The following DIAPH2 variants were observed in gnomAD, a reference collection of about 807,000 sequenced individuals.
DIAPH2 encodes protein diaphanous homolog 2.
In DIAPH2, 35 loss-of-function variants were observed where a neutral mutation model predicts 92.7. The ratio of observed to expected loss-of-function variants is 0.38; its 90% confidence interval spans 0.29 to 0.50. DIAPH2 has a LOEUF of 0.50. Among genes scored for constraint, DIAPH2 ranks in the 20% least tolerant of loss-of-function variants. The pLI, the probability that DIAPH2 is intolerant of heterozygous loss-of-function variation, is 0.94. For synonymous variants in DIAPH2, 301 were observed against 280.4 expected (o/e 1.07, Z -0.73); for missense variants, 701 against 819.5 (o/e 0.86, Z 1.77).
chrX:97,162,252 A>G (rs1489414676), intron 22 of DIAPH2, among the ~76,000 whole-genome samples: 1 of 111,222 alleles, frequency 9.0e-6, no homozygotes, highest in Non-Finnish European at 1.9e-5. Flanking sequence ...CTTCGAAGCC[A>G]GACTTCCTAG....
chrX:97,394,949 T>C (rs2069691438), intron 25 of DIAPH2, among the ~76,000 whole-genome samples: 1 of 111,466 alleles, frequency 9.0e-6, no homozygotes, highest in Admixed American at 9.6e-5. Context: ...CCCTACATGG[T>C]GTATCCTTGA....
chrX:97,399,624 T>C (rs760334054), intron 25 of DIAPH2, among the ~76,000 whole-genome samples: 2 of 112,089 alleles, frequency 1.8e-5, no homozygotes, highest in South Asian at 7.5e-4. Context: ...CATCATGATT[T>C]GTGAGCAACC....
At chrX:96,702,102 C>T (rs1033804684) in intron 1 of DIAPH2, among the ~76,000 whole-genome samples, 2 of 111,864 alleles carry the variant, frequency 1.8e-5, no homozygotes, top group South Asian at 3.7e-4. Flanking sequence ...TTTCTCCTAT[C>T]GCAGATCCTA....
chrX:96,762,602 A>G (rs993423947), intron 4 of DIAPH2, among the ~76,000 whole-genome samples: 1 of 111,228 alleles, frequency 9.0e-6, no homozygotes, highest in Non-Finnish European at 1.9e-5. Context: ...TAACATTTAT[A>G]TACTAAAATA....
At chrX:97,032,990 G>A (rs923814965) in intron 17 of DIAPH2, among the ~76,000 whole-genome samples, 1 of 111,468 alleles carries the variant, frequency 9.0e-6, no homozygotes. Context: ...AAGACAGTAT[G>A]ATGCCCTTAA....
At chrX:96,757,204 A>C (rs147272424) in intron 3 of DIAPH2, among the ~76,000 whole-genome samples, 6,328 of 111,279 alleles carry the variant, frequency 0.057, 205 homozygotes, top group Middle Eastern at 0.16. Flanking sequence ...GGTGTGAGCC[A>C]CCGTGCCTGG....
chrX:96,751,810 C>A (rs1202437518), intron 3 of DIAPH2, among the ~76,000 whole-genome samples: 3 of 94,469 alleles, frequency 3.2e-5, no homozygotes, highest in Admixed American at 2.4e-4. Context: ...CCCGCCACTA[C>A]GCCCGGCTAA....
intron 1 of DIAPH2, among the ~76,000 whole-genome samples, chrX:96,727,843 C>G (rs1047975912): frequency 9.1e-6 from 1 of 109,441 alleles, no homozygotes; most frequent in African/African-American, 3.3e-5. Flanking sequence ...GTCAGAAGTT[C>G]GAGACCAGCC....
chrX:97,055,095 A>C (rs1433272584), intron 17 of DIAPH2, among the ~76,000 whole-genome samples: 1 of 85,195 alleles, frequency 1.2e-5, no homozygotes, highest in African/African-American at 3.8e-5. Flanking sequence ...TGGCTAGTTT[A>C]ATTTTTTTTT....
intron 5 of DIAPH2, among the ~76,000 whole-genome samples, chrX:96,911,519 T>C (rs1423881938): frequency 9.0e-6 from 1 of 111,087 alleles, no homozygotes; most frequent in Non-Finnish European, 1.9e-5. Flanking sequence ...TCCTCACAGT[T>C]CCTGGAACAT....
At chrX:97,436,109 A>T (rs1247440018) in intron 26 of DIAPH2, among the ~76,000 whole-genome samples, 3 of 111,626 alleles carry the variant, frequency 2.7e-5, no homozygotes, top group Non-Finnish European at 3.8e-5. Flanking sequence ...CCAGCCAGAA[A>T]ACCACTCTTA....
chrX:97,383,078 C>T (rs1211049773), intron 24 of DIAPH2, among the ~76,000 whole-genome samples: 1 of 112,275 alleles, frequency 8.9e-6, no homozygotes, highest in Non-Finnish European at 1.9e-5. Context: ...CAGCTGATCA[C>T]ATTAATTCAG....
chrX:97,593,523 A>AGTT (rs1213807180), intron 26 of DIAPH2, among the ~76,000 whole-genome samples: 1 of 111,280 alleles, frequency 9.0e-6, no homozygotes, highest in Non-Finnish European at 1.9e-5. Flanking sequence ...GAACTCATAT[A>AGTT]GTTGAATGTT....
At chrX:97,366,572 G>A (rs780528922) in intron 24 of DIAPH2, among the ~76,000 whole-genome samples, 1 of 111,664 alleles carries the variant, frequency 9.0e-6, no homozygotes, top group African/African-American at 3.2e-5. Context: ...ATGATTGACC[G>A]TGACCATTTA....
chrX:97,139,026 CA>C (rs1483317378), intron 21 of DIAPH2, among the ~76,000 whole-genome samples: 2 of 111,289 alleles, frequency 1.8e-5, no homozygotes, highest in African/African-American at 6.5e-5. Flanking sequence ...TAAACTAACT[CA>C]AACATTTTGG....
intron 3 of DIAPH2, among the ~76,000 whole-genome samples, chrX:96,748,844 G>C (rs189400859): frequency 9.0e-6 from 1 of 110,880 alleles, no homozygotes; most frequent in Non-Finnish European, 1.9e-5. Flanking sequence ...ACTAAGAATG[G>C]TTTTATATTT....
At chrX:97,427,662 GTTTTT>G (rs764652714) in intron 25 of DIAPH2, among the ~76,000 whole-genome samples, 1 of 43,083 alleles carries the variant, frequency 2.3e-5, no homozygotes. Flanking sequence ...TGTTTGTTTT[GTTTTT>G]GTTTTTGTTT....
intron 23 of DIAPH2, among the ~76,000 whole-genome samples, chrX:97,279,736 A>G (rs1348764639): frequency 8.9e-6 from 1 of 111,748 alleles, no homozygotes; most frequent in African/African-American, 3.2e-5. Flanking sequence ...TTAAGAGGAT[A>G]GTGAATATTT....
intron 21 of DIAPH2, among the ~76,000 whole-genome samples, chrX:97,129,089 A>ATCTTTTCTTT (rs771560890): frequency 0.12 from 7,693 of 64,242 alleles, 737 homozygotes; most frequent in Middle Eastern, 0.17. Flanking sequence ...TGTCTATACC[A>ATCTTTTCTTT]TCTTTTCTTT....
Sources: gnomAD v4.1 joint callset for allele counts (sites outside exome capture counted in the v4.1 genomes callset) on GRCh38, gnomAD v4.1.1 for gene constraint, MANE v1.5 for transcripts, NCBI Gene and HGNC (gene_info 2026-07-23, HGNC 2026-07-21) for gene names.